The following C1orf21 variants were observed in gnomAD, a reference collection of about 807,000 sequenced individuals.
C1orf21 encodes the protein chromosome 1 open reading frame 21.
Under a neutral mutation model 18.7 loss-of-function variants are expected in C1orf21, and 3 were observed. The ratio of observed to expected loss-of-function variants is 0.16; its 90% CI spans 0.07 to 0.42. The LOEUF is 0.42. C1orf21 is among the 10% of genes least tolerant of loss of function. The pLI, the probability that C1orf21 is intolerant of heterozygous loss-of-function variation, is 0.99. For synonymous variants in C1orf21, 41 were observed against 46.4 expected, an observed-to-expected ratio of 0.88 and a Z score of 0.47; for missense variants, 104 against 143.6, an observed-to-expected ratio of 0.72 and a Z score of 1.41.
intron 5 of C1orf21, among the ~76,000 whole-genome samples, chr1:184,616,013 G>A (rs1659817924): frequency 6.6e-6 from 1 of 152,132 alleles, no homozygotes; most frequent in African/African-American, 2.4e-5. Flanking sequence ...CTACTGTGCT[G>A]TTGAACACTA....
chr1:184,530,219 AGTT>A lies in C1orf21; in HGVS notation c.189+22538_189+22540del, dbSNP rs1392142892. 9.2e-5 allele frequency among the ~76,000 whole-genome samples: 14 copies of A among 152,314 alleles called. No individual in the cohort carries two copies. The South Asian group carries it at 2.7e-3, about 29-fold the overall frequency. On this transcript the variant is annotated intron_variant, in intron 3 of 5. Coordinates refer to ENST00000235307, the MANE Select transcript of C1orf21 (RefSeq NM_030806.4). Reference sequence around the variant, plus strand: ...TCTTAGAGAGGTAGAAGAATGAAGTAGTTAAGAGCCGGACTAAATCTCAGTTAT... The same window carrying A: ...TCTTAGAGAGGTAGAAGAATGAAGTAAAGAGCCGGACTAAATCTCAGTTAT...
intron 3 of C1orf21, among the ~76,000 whole-genome samples, chr1:184,556,582 C>A (rs1224595339): frequency 6.6e-6 from 1 of 152,174 alleles, no homozygotes; most frequent in Non-Finnish European, 1.5e-5. Context: ...ATTATTTTTT[C>A]AGATTTATGT....
At chr1:184,452,012 A>G (rs1372338582) in intron 1 of C1orf21, among the ~76,000 whole-genome samples, 1 of 152,220 alleles carries the variant, frequency 6.6e-6, no homozygotes, top group East Asian at 1.9e-4. Context: ...TTTCCCTGGA[A>G]GGCAAAAAAT....
intron 3 of C1orf21, among the ~76,000 whole-genome samples, chr1:184,546,216 C>T (rs1658725351): frequency 6.6e-6 from 1 of 152,202 alleles, no homozygotes; most frequent in Non-Finnish European, 1.5e-5. Flanking sequence ...GGGCATATCA[C>T]TTGAGGCCAG....
chr1:184,391,136 C>T (rs1557960040), intron 1 of C1orf21, among the ~76,000 whole-genome samples: 2 of 152,062 alleles, frequency 1.3e-5, no homozygotes, highest in Admixed American at 6.5e-5. Flanking sequence ...CAACAAGAAA[C>T]AACATGACAT....
intron 1 of C1orf21, among the ~76,000 whole-genome samples, chr1:184,410,624 TA>T (rs1192477033): frequency 7.1e-4 from 2 of 2,808 alleles, no homozygotes; most frequent in South Asian, 0.012. Flanking sequence ...ATATTATATA[TA>T]TATATATATA....
At chr1:184,412,570 A>G (rs1016042600) in intron 1 of C1orf21, among the ~76,000 whole-genome samples, 2 of 152,218 alleles carry the variant, frequency 1.3e-5, no homozygotes, top group African/African-American at 2.4e-5. Context: ...TTCTGTAACC[A>G]TATGAAAACA....
intron 4 of C1orf21, 65 bp downstream of exon 4, chr1:184,590,880 G>A: frequency 7.4e-7 from 1 of 1,359,788 alleles, no homozygotes; most frequent in Non-Finnish European, 1.0e-6. Context: ...CTGCATCTGT[G>A]GATTCAACTA....
At position 184,432,056 on chromosome 1, in the gene C1orf21, C is replaced by T. The variant is rs1310475768; in HGVS notation, c.-125+44688C>T. Reference sequence around the variant, plus strand: ...TGGAGAGGATGTGGAGAAATAGGAACATTTTTACACTGTTGTGGGAGTGTA... The same window carrying T: ...TGGAGAGGATGTGGAGAAATAGGAATATTTTTACACTGTTGTGGGAGTGTA... On this transcript the variant is annotated intron_variant, in intron 1 of 5. Coordinates refer to ENST00000235307, the MANE Select transcript of C1orf21 (RefSeq NM_030806.4). Among the ~76,000 whole-genome samples the T allele has an allele frequency of 2.0e-5, 3 of 152,326 alleles. No homozygotes were observed. In the South Asian group the frequency reaches 6.2e-4, roughly 32 times the overall value.
chr1:184,435,232 C>T (rs932079937), intron 1 of C1orf21, among the ~76,000 whole-genome samples: 1 of 152,156 alleles, frequency 6.6e-6, no homozygotes, highest in African/African-American at 2.4e-5. Flanking sequence ...TCTGGTTTGG[C>T]TGTATTAAGT....
intron 4 of C1orf21, among the ~76,000 whole-genome samples, chr1:184,593,063 C>T (rs780894943): frequency 1.4e-4 from 21 of 152,206 alleles, no homozygotes; most frequent in Non-Finnish European, 2.5e-4. Context: ...GCCAAACCAC[C>T]TTATCATCCA....
intron 1 of C1orf21, among the ~76,000 whole-genome samples, chr1:184,448,040 G>A (rs764377166): frequency 1.3e-5 from 2 of 151,956 alleles, no homozygotes; most frequent in African/African-American, 2.4e-5. Context: ...CACCCTACCC[G>A]CTTCTGTCTT....
intron 3 of C1orf21, among the ~76,000 whole-genome samples, chr1:184,531,121 C>T (rs944205207): frequency 9.2e-5 from 14 of 152,138 alleles, no homozygotes; most frequent in Non-Finnish European, 1.0e-4. Flanking sequence ...TTTTTCTTTG[C>T]CTAAAACAGA....
rs146652063 is a variant in C1orf21 at position 184,486,690 on chromosome 1, T to C, written c.94+9087T>C. Among the ~76,000 whole-genome samples, 870 of 152,316 alleles carry C rather than the reference T, an allele frequency of 5.7e-3. 7 individuals are homozygous for C. Among genetic ancestry groups the C allele is most frequent in the South Asian group, 0.025 (123 of 4,824 alleles). The stretch of plus-strand genomic sequence containing the variant: ...CAGAAAGTTAAGAAATGCTCTATAC[T>C]TTCTATATTAAAAAAAAAATCCAAG... On this transcript the variant is annotated intron_variant, in intron 2 of 5. Coordinates refer to ENST00000235307, the MANE Select transcript of C1orf21 (RefSeq NM_030806.4).
rs1249996390 is a variant in C1orf21 at position 184,625,564 on chromosome 1, A to G, written c.*6008A>G. 1 of 152,600 alleles carries G rather than the reference A, an allele frequency of 6.6e-6. No individual in the cohort carries two copies. Among genetic ancestry groups the G allele is most frequent in the African/African-American group, 2.4e-5 (1 of 41,418 alleles). The allele number at this position is 152,600 out of a possible 1,614,324, so 9.5% of individuals were successfully genotyped here. A position where few individuals can be genotyped will look rare whatever the true frequency, so the allele number is the denominator to read the frequency against. On this transcript the variant is annotated 3_prime_UTR_variant, in exon 6 of 6. Coordinates refer to ENST00000235307, the MANE Select transcript of C1orf21 (RefSeq NM_030806.4). ...CATACACATACACGCGCATACATAC[A>G]TATACAGAGAGATACGTGGAGAAAG...
rs1162356586 is a variant in C1orf21 at position 184,410,617 on chromosome 1, T to TTA, written c.-125+23295_-125+23296dup. On this transcript the variant is annotated intron_variant, in intron 1 of 5. Transcript: ENST00000235307. ...GTGAAAGATTAATTTGCCATATATA[T>TTA]TATATATATATATATATATATATAT... is the stretch of plus-strand genomic sequence containing the variant. Among the ~76,000 whole-genome samples the TTA allele has an allele frequency of 5.5e-3, 117 of 21,146 alleles. 1 individual carries two copies. The highest frequency in any genetic ancestry group is 6.3e-3 in the Non-Finnish European group (91 of 14,544). The allele number at this position is 21,146 out of a possible 152,430, so 13.9% of individuals were successfully genotyped here.
chr1:184,460,938 G>A (rs1009461208), intron 1 of C1orf21, among the ~76,000 whole-genome samples: 1 of 151,936 alleles, frequency 6.6e-6, no homozygotes, highest in Non-Finnish European at 1.5e-5. Context: ...ACTGTTTGAC[G>A]TTGAGGACAG....
intron 3 of C1orf21, among the ~76,000 whole-genome samples, chr1:184,574,078 G>A (rs1183144356): frequency 6.6e-6 from 1 of 152,028 alleles, no homozygotes. Context: ...GGTGGTACAC[G>A]CCTGTAATCC....
chr1:184,451,905 C>A (rs1266454023), intron 1 of C1orf21, among the ~76,000 whole-genome samples: 1 of 152,112 alleles, frequency 6.6e-6, no homozygotes, highest in African/African-American at 2.4e-5. Context: ...GTGATTATAT[C>A]CTTTATAAAT....
Sources: gnomAD v4.1 joint callset for allele counts (sites outside exome capture counted in the v4.1 genomes callset) on GRCh38, gnomAD v4.1.1 for gene constraint, MANE v1.5 for transcripts, NCBI Gene and HGNC (gene_info 2026-07-23, HGNC 2026-07-21) for gene names.